The following PDE1C variants were observed in gnomAD, a reference collection of about 807,000 sequenced individuals.
PDE1C encodes the protein dual specificity calcium/calmodulin-dependent 3',5'-cyclic nucleotide phosphodiesterase 1C.
Under a neutral mutation model 93.1 loss-of-function variants are expected in PDE1C, and 62 were observed. The ratio of observed to expected loss-of-function variants is 0.67; its 90% CI spans 0.54 to 0.82. PDE1C has a LOEUF of 0.82. PDE1C is among the 40% of genes least tolerant of loss of function. The pLI is 0.00. For synonymous variants in PDE1C, 325 were observed against 310.1 expected (o/e 1.05, Z -0.50); for missense variants, 742 against 884.6 (o/e 0.84, Z 2.04).
In PDE1C at chr7:32,069,656, C is replaced by T. The variant is rs79824954; in HGVS notation, c.101+637G>A. On this transcript the variant is annotated intron_variant, in intron 1 of 17. Coordinates refer to ENST00000396191, the MANE Select transcript of PDE1C (RefSeq NM_001191057.4). ...GAAGTGAATGAAATTCAGAGATCTC[C>T]ATCCATCAGGGCAACTAGAATTCTG... Among the ~76,000 whole-genome samples, 3 of 152,222 alleles carry T rather than the reference C, an allele frequency of 2.0e-5. No homozygotes were observed. In the East Asian group the frequency reaches 5.8e-4, roughly 29 times the overall value.
At chr7:31,965,280 A>C (rs530143901) in intron 2 of PDE1C, among the ~76,000 whole-genome samples, 1 of 152,354 alleles carries the variant, frequency 6.6e-6, no homozygotes, top group African/African-American at 2.4e-5. Flanking sequence ...GATGGAGCTG[A>C]AAACTATGGC....
At chr7:31,701,148 C>T in the PDE1C span, among the ~76,000 whole-genome samples, 2 of 152,166 alleles carry the variant, frequency 1.3e-5, no homozygotes, top group African/African-American at 4.8e-5. Flanking sequence ...ACAAAGTAAA[C>T]TGAAAACCTT....
chr7:32,002,465 TCTGTGAA>T (rs1474038962), intron 2 of PDE1C, among the ~76,000 whole-genome samples: 3 of 152,174 alleles, frequency 2.0e-5, no homozygotes, highest in African/African-American at 7.2e-5. Context: ...AGTTTCCTCA[TCTGTGAA>T]AATGGGGTGA....
chr7:31,895,578 T>TTTTCTCTCTC (rs1554399708), intron 2 of PDE1C, among the ~76,000 whole-genome samples: 2 of 40,030 alleles, frequency 5.0e-5, no homozygotes, highest in African/African-American at 1.9e-4. Context: ...AGTTTCTCTC[T>TTTTCTCTCTC]TTTCTCTCTC....
intron 1 of PDE1C, among the ~76,000 whole-genome samples, chr7:32,261,704 G>A (rs1260598999): frequency 6.6e-6 from 1 of 152,168 alleles, no homozygotes; most frequent in Non-Finnish European, 1.5e-5. Flanking sequence ...TTTTTACATT[G>A]AACCTGCCCA....
At chr7:31,877,676 T>C (rs1431181113) in intron 5 of PDE1C, among the ~76,000 whole-genome samples, 1 of 149,106 alleles carries the variant, frequency 6.7e-6, no homozygotes, top group Non-Finnish European at 1.5e-5. Context: ...TTTGATCTCG[T>C]ATGGCAAAAT....
At chr7:32,366,742 C>T (rs1212863991) in intron 1 of PDE1C, among the ~76,000 whole-genome samples, 2 of 152,004 alleles carry the variant, frequency 1.3e-5, no homozygotes, top group Admixed American at 1.3e-4. Flanking sequence ...GCCTTATAGG[C>T]CAGGAGAGAA....
chr7:31,748,008 A>G (rs1346483977), downstream of PDE1C, among the ~76,000 whole-genome samples: 1 of 152,212 alleles, frequency 6.6e-6, no homozygotes, highest in Non-Finnish European at 1.5e-5. Context: ...AGTCTTACAA[A>G]GGCAGTTTTT....
intron 1 of PDE1C, among the ~76,000 whole-genome samples, chr7:32,392,913 G>C (rs1341543721): frequency 6.6e-6 from 1 of 151,894 alleles, no homozygotes; most frequent in Non-Finnish European, 1.5e-5. Flanking sequence ...GCCAGGCATG[G>C]TGGTGCACAC....
At chr7:32,362,110 A>T (rs1185778570) in intron 1 of PDE1C, among the ~76,000 whole-genome samples, 1 of 152,140 alleles carries the variant, frequency 6.6e-6, no homozygotes, top group East Asian at 1.9e-4. Context: ...GGCGGGGAGA[A>T]CGATGGGGTC....
At chr7:31,971,232 A>C (rs1810913472) in intron 2 of PDE1C, among the ~76,000 whole-genome samples, 1 of 152,208 alleles carries the variant, frequency 6.6e-6, no homozygotes, top group Non-Finnish European at 1.5e-5. Context: ...CATGTATTGC[A>C]CTGAGCTCAA....
At chr7:31,780,162 G>A (rs192599456) in intron 16 of PDE1C, among the ~76,000 whole-genome samples, 1 of 152,216 alleles carries the variant, frequency 6.6e-6, no homozygotes, top group African/African-American at 2.4e-5. Flanking sequence ...GTGGGACCTG[G>A]GCATGAGGAC....
At chr7:32,122,581 C>T (rs993545421) in intron 3 of PDE1C, among the ~76,000 whole-genome samples, 3 of 152,184 alleles carry the variant, frequency 2.0e-5, no homozygotes, top group African/African-American at 7.2e-5. Context: ...CACACAATTA[C>T]ATGGAAATTG....
chr7:31,843,112 T>G (rs189439218), intron 9 of PDE1C, among the ~76,000 whole-genome samples: 1 of 152,074 alleles, frequency 6.6e-6, no homozygotes, highest in South Asian at 2.1e-4. Flanking sequence ...TATGATATTT[T>G]AAAATTATTA....
At chr7:32,358,959 C>T (rs1396814956) in intron 1 of PDE1C, among the ~76,000 whole-genome samples, 14 of 147,784 alleles carry the variant, frequency 9.5e-5, no homozygotes, top group African/African-American at 3.2e-4. Context: ...CTCTTCTGAG[C>T]TCTCTTCTCA....
chr7:32,399,812 A>G (rs215732), intron 1 of PDE1C, among the ~76,000 whole-genome samples: 138,878 of 151,916 alleles, frequency 0.91, 64,303 homozygotes, highest in East Asian at 0.99. Flanking sequence ...TTGAACTCCT[A>G]GCCTCAAGCA....
At chr7:32,137,469 G>A (rs1800277340) in intron 3 of PDE1C, among the ~76,000 whole-genome samples, 2 of 152,076 alleles carry the variant, frequency 1.3e-5, no homozygotes, top group South Asian at 4.1e-4. Context: ...GGCTGCCTGG[G>A]AAAAAGCTGA....
chr7:31,996,226 G>A (rs1170080896), intron 2 of PDE1C, among the ~76,000 whole-genome samples: 1 of 152,064 alleles, frequency 6.6e-6, no homozygotes, highest in Non-Finnish European at 1.5e-5. Context: ...ATTACTCTAT[G>A]GACTTTGCAT....
chr7:32,206,786 G>A (rs73304662), intron 2 of PDE1C, among the ~76,000 whole-genome samples: 6,771 of 152,288 alleles, frequency 0.044, 503 homozygotes, highest in African/African-American at 0.15. Flanking sequence ...AGGACAGCTG[G>A]CCTTGTGATA....
Sources: allele counts gnomAD v4.1 joint callset (sites outside exome capture counted in the v4.1 genomes callset), GRCh38; gene constraint gnomAD v4.1.1; transcripts MANE v1.5; gene names NCBI Gene and HGNC (gene_info 2026-07-23, HGNC 2026-07-21).